The following FRMD3 variants were observed in gnomAD, a reference collection of about 807,000 sequenced individuals.
FRMD3 encodes the protein FERM domain-containing protein 3.
A neutral mutation model predicts 70.2 loss-of-function variants in FRMD3; 33 were observed. That is an observed-to-expected ratio of 0.47 (90% CI 0.36 to 0.63). The LOEUF (loss-of-function observed/expected upper bound fraction) is 0.63, where lower values mean the gene tolerates loss of function less well. FRMD3 is among the 20% of genes least tolerant of loss of function. The probability of loss-of-function intolerance (pLI) is 0.00; values close to 1 mark genes in which losing one functional copy is unlikely to be tolerated. For missense variants in FRMD3, 632 were observed against 711.4 expected, an observed-to-expected ratio of 0.89 and a Z score of 1.27; for synonymous variants, 279 against 255.9, an observed-to-expected ratio of 1.09 and a Z score of -0.86.
At chr9:83,368,980 G>A (rs559845522) in intron 3 of FRMD3, among the ~76,000 whole-genome samples, 10 of 151,974 alleles carry the variant, frequency 6.6e-5, no homozygotes, top group East Asian at 5.8e-4. Flanking sequence ...TCAGCCTCCC[G>A]AGGAGCTGGG....
chr9:83,246,808 A>C lies in FRMD3; in HGVS notation c.*1110T>G. On this transcript the variant is annotated 3_prime_UTR_variant, in exon 14 of 14. Coordinates refer to ENST00000304195, the MANE Select transcript of FRMD3 (RefSeq NM_174938.6). ...TATTTAGATCCACTTAAACATGTTC[A>C]TGTTAACTCAGACAGCGACTGCACT... is the stretch of plus-strand genomic sequence containing the variant. The C allele has an allele frequency of 1.0e-6, 1 of 985,370 alleles. No individual in the cohort carries two copies. The highest frequency in any genetic ancestry group is 1.2e-6 in the Non-Finnish European group (1 of 829,898). The allele number at this position is 985,370 out of a possible 1,614,324, so 61.0% of individuals were successfully genotyped here. A position where few individuals can be genotyped will look rare whatever the true frequency, so the allele number is the denominator to read the frequency against.
At chr9:83,495,948 T>C (rs1414462385) in intron 1 of FRMD3, among the ~76,000 whole-genome samples, 2 of 152,304 alleles carry the variant, frequency 1.3e-5, no homozygotes, top group South Asian at 2.1e-4. Flanking sequence ...TGGCTGAAAA[T>C]TGAAAGTAAA....
chr9:83,409,444 CA>C (rs1281035488), intron 1 of FRMD3, among the ~76,000 whole-genome samples: 3 of 151,848 alleles, frequency 2.0e-5, no homozygotes, highest in Non-Finnish European at 4.4e-5. Flanking sequence ...CAAAAACAAA[CA>C]AACAAAAAAC....
chr9:83,311,987 A>AG lies in FRMD3; in HGVS notation c.685-13_685-12insC, dbSNP rs747263108. On this transcript the variant is annotated splice_polypyrimidine_tract_variant and intron_variant, in intron 7 of 13. Coordinates refer to ENST00000304195, the MANE Select transcript of FRMD3 (RefSeq NM_174938.6). The stretch of plus-strand genomic sequence containing the variant: ...GTGCCTGTTGAATCCTGAAAAAAAA[A>AG]AAAAAGAAAAAAGAAAAATCTGTTT... 7.8e-6 allele frequency: 12 copies of AG among 1,540,218 alleles called. No individual in the cohort carries two copies. The African/African-American group carries it at 1.7e-4, about 22-fold the overall frequency.
chr9:83,579,249 T>C, the FRMD3 span, among the ~76,000 whole-genome samples: 4 of 151,530 alleles, frequency 2.6e-5, no homozygotes, highest in East Asian at 1.9e-4. Context: ...AAATTGTCTA[T>C]AGATTCAATG....
rs1564028638 is a variant in FRMD3, at chr9:83,349,744, GT to G, written c.308del (p.Tyr103SerfsTer7). The G allele has an allele frequency of 6.2e-7, 1 of 1,610,818 alleles. No individual in the cohort carries two copies. Among genetic ancestry groups the G allele is most frequent in the Non-Finnish European group, 8.5e-7 (1 of 1,177,678 alleles). On this transcript the variant is annotated frameshift_variant, in exon 4 of 14. Transcript: ENST00000304195. LOFTEE classifies it high-confidence loss of function. ...AGAATTTCACTCTAAAGCACATGGT[GT>G]ATGGTGGATGAGCTGAAACATCATA... ...IFKQMKTHPP[Y>X]TMCFRVKFYP...
At chr9:83,262,836 T>A (rs1190914615) in intron 13 of FRMD3, among the ~76,000 whole-genome samples, 1 of 152,174 alleles carries the variant, frequency 6.6e-6, no homozygotes, top group African/African-American at 2.4e-5. Flanking sequence ...CTGAGATATA[T>A]GCTACTTATC....
intron 6 of FRMD3, among the ~76,000 whole-genome samples, chr9:83,314,590 A>T (rs1223424168): frequency 6.6e-6 from 1 of 151,282 alleles, no homozygotes; most frequent in Non-Finnish European, 1.5e-5. Context: ...CCCTCAAGAT[A>T]GCAAAGAGTC....
chr9:83,473,716 T>G (rs931452954), intron 1 of FRMD3, among the ~76,000 whole-genome samples: 2 of 152,188 alleles, frequency 1.3e-5, no homozygotes, highest in Admixed American at 6.5e-5. Context: ...AGTAGGAAAA[T>G]TCACCCCCCA....
intron 1 of FRMD3, among the ~76,000 whole-genome samples, chr9:83,503,351 G>A (rs185471023): frequency 7.2e-5 from 11 of 152,274 alleles, no homozygotes; most frequent in East Asian, 1.9e-4. Flanking sequence ...TTCATGCATC[G>A]CTGCTGGCTT....
In FRMD3 at chr9:83,459,527, T is replaced by C. The variant is rs941419628; in HGVS notation, c.148-69819A>G. ...GGGGCGTCCCCAAGACCACAGAGGC[T>C]ACTGAGAGATGCCTAGGCCTGTGCA... On this transcript the variant is annotated intron_variant, in intron 1 of 13. Transcript: ENST00000304195. Among the ~76,000 whole-genome samples the C allele has an allele frequency of 4.6e-5, 7 of 152,210 alleles. No individual in the cohort carries two copies. In the East Asian group the frequency reaches 1.3e-3, roughly 29 times the overall value.
At chr9:83,497,504 AT>A (rs1353337347) in intron 1 of FRMD3, among the ~76,000 whole-genome samples, 33 of 152,216 alleles carry the variant, frequency 2.2e-4, no homozygotes, top group African/African-American at 7.5e-4. Flanking sequence ...ATGTATTTAA[AT>A]TTTTTGAGTG....
intron 1 of FRMD3, among the ~76,000 whole-genome samples, chr9:83,422,340 T>G (rs1021560362): frequency 6.6e-6 from 1 of 152,122 alleles, no homozygotes; most frequent in African/African-American, 2.4e-5. Flanking sequence ...CCCAGAAAGC[T>G]CTTCATTCCT....
intron 10 of FRMD3, among the ~76,000 whole-genome samples, chr9:83,305,542 T>C (rs148960630): frequency 1.3e-5 from 2 of 152,284 alleles, no homozygotes; most frequent in East Asian, 1.9e-4. Context: ...CATTACACTA[T>C]GCCCCAGTGG....
chr9:83,325,236 C>T lies in FRMD3; in HGVS notation c.596+10280G>A, dbSNP rs181723023. On this transcript the variant is annotated intron_variant, in intron 6 of 13. Coordinates refer to ENST00000304195, the MANE Select transcript of FRMD3 (RefSeq NM_174938.6). ...ATGTACACTATTCCAGTGATGGTTA[C>T]GCTAAAAGCCCACACTTCACCACTA... Among the ~76,000 whole-genome samples the T allele has an allele frequency of 2.2e-4, 33 of 152,204 alleles. 1 individual carries two copies. The East Asian group carries it at 4.6e-3, about 21-fold the overall frequency.
rs138931777 is a variant in FRMD3, at chr9:83,404,705, C to T, written c.148-14997G>A. On this transcript the variant is annotated intron_variant, in intron 1 of 13. Coordinates refer to ENST00000304195, the MANE Select transcript of FRMD3 (RefSeq NM_174938.6). ...GTATATTTATATGTACACACACATA[C>T]ATACATATACATGCAGACAAAAAGT... is the stretch of plus-strand genomic sequence containing the variant. 3.8e-4 allele frequency among the ~76,000 whole-genome samples: 58 copies of T among 152,308 alleles called. No homozygotes were observed. In the East Asian group the frequency reaches 0.01, roughly 26 times the overall value.
At chr9:83,466,066 C>A (rs1042666784) in intron 1 of FRMD3, among the ~76,000 whole-genome samples, 6 of 152,162 alleles carry the variant, frequency 3.9e-5, no homozygotes, top group Non-Finnish European at 8.8e-5. Context: ...CATCAATACC[C>A]CATAACAACA....
intron 13 of FRMD3, among the ~76,000 whole-genome samples, chr9:83,287,581 T>G (rs1259573191): frequency 6.6e-6 from 1 of 152,110 alleles, no homozygotes; most frequent in African/African-American, 2.4e-5. Flanking sequence ...TCTCCTACCT[T>G]TCTACCTCAC....
At chr9:83,456,906 G>A (rs1827833627) in intron 1 of FRMD3, among the ~76,000 whole-genome samples, 1 of 152,132 alleles carries the variant, frequency 6.6e-6, no homozygotes, top group African/African-American at 2.4e-5. Context: ...CTTGGACCCA[G>A]AAGGTCGAGG....
Sources: allele counts gnomAD v4.1 joint callset (sites outside exome capture counted in the v4.1 genomes callset), GRCh38; gene constraint gnomAD v4.1.1; transcripts MANE v1.5; gene names NCBI Gene and HGNC (gene_info 2026-07-23, HGNC 2026-07-21).